CABCOCO1: variants seen among roughly 807,000 people sequenced by gnomAD.
CABCOCO1 encodes ciliary associated calcium binding coiled-coil 1.
Under a neutral mutation model 35.7 loss-of-function variants are expected in CABCOCO1, and 28 were observed. That is an observed-to-expected ratio of 0.78 (90% CI 0.58 to 1.07). CABCOCO1 has a LOEUF of 1.07. CABCOCO1 is among the 50% of genes least tolerant of loss of function. The pLI, the probability that CABCOCO1 is intolerant of heterozygous loss-of-function variation, is 0.00. For missense variants in CABCOCO1, 326 were observed against 309.2 expected (o/e 1.05, Z -0.41); for synonymous variants, 95 against 100.1 (o/e 0.95, Z 0.30).
intron 4 of CABCOCO1, among the ~76,000 whole-genome samples, chr10:61,689,708 T>C (rs1023239422): frequency 2.0e-5 from 3 of 152,134 alleles, no homozygotes; most frequent in Non-Finnish European, 4.4e-5. Flanking sequence ...CTAAGACAAT[T>C]TTTTGTTCTT....
chr10:61,755,290 G>A (rs1429105051), intron 5 of CABCOCO1, among the ~76,000 whole-genome samples: 1 of 152,028 alleles, frequency 6.6e-6, no homozygotes, highest in African/African-American at 2.4e-5. Context: ...TGGGTTGCAA[G>A]TTTTTGTTAA....
chr10:61,680,712 TA>T (rs1385726885), intron 2 of CABCOCO1, among the ~76,000 whole-genome samples: 2 of 94,584 alleles, frequency 2.1e-5, no homozygotes, highest in African/African-American at 8.8e-5. Flanking sequence ...GTTATACATG[TA>T]TAACATATAT....
At chr10:61,749,873 C>T (rs1327071244) in intron 5 of CABCOCO1, among the ~76,000 whole-genome samples, 1 of 152,174 alleles carries the variant, frequency 6.6e-6, no homozygotes, top group African/African-American at 2.4e-5. Context: ...AACCTTTCCT[C>T]CCAATGCAGT....
intron 5 of CABCOCO1, among the ~76,000 whole-genome samples, chr10:61,759,129 G>A (rs1841956855): frequency 6.6e-6 from 1 of 151,512 alleles, no homozygotes; most frequent in Non-Finnish European, 1.5e-5. Context: ...GCATACTGTG[G>A]GTGGCTTCAT....
At chr10:61,743,177 C>G (rs1391391205) in intron 5 of CABCOCO1, among the ~76,000 whole-genome samples, 1 of 152,168 alleles carries the variant, frequency 6.6e-6, no homozygotes, top group Admixed American at 6.5e-5. Context: ...TTCCTCTCAA[C>G]AAATGAAGGG....
chr10:61,734,541 T>G (rs929125278), intron 5 of CABCOCO1, among the ~76,000 whole-genome samples: 1 of 151,910 alleles, frequency 6.6e-6, no homozygotes, highest in Non-Finnish European at 1.5e-5. Flanking sequence ...TAAAAAGACT[T>G]AAGAGAAAAA....
intron 5 of CABCOCO1, among the ~76,000 whole-genome samples, chr10:61,712,262 T>A (rs529986992): frequency 2.6e-5 from 4 of 152,244 alleles, no homozygotes; most frequent in African/African-American, 9.6e-5. Context: ...TGACCAGTGA[T>A]GATGAGCATT....
rs778961824 is a variant in CABCOCO1, at chr10:61,686,146, T to G, written c.440T>G (p.Val147Gly). 1.3e-6 allele frequency: 2 copies of G among 1,595,218 alleles called. No individual in the cohort carries two copies. Among genetic ancestry groups the G allele is most frequent in the Non-Finnish European group, 1.7e-6 (2 of 1,174,762 alleles). Residue 147 changes from valine to glycine, a missense_variant, in exon 4 of 8, where the codon GTA becomes GGA. Coordinates refer to ENST00000648843, the MANE Select transcript of CABCOCO1 (RefSeq NM_001366906.2). ...AGTGAGGACTGGAATATCTTTGATG[T>G]AAAACAAGCCAATGCTATCATTGAT... Reference protein sequence around the residue: ...QKSEDWNIFDVKQANAIIDYL... With the variant: ...QKSEDWNIFDGKQANAIIDYL...
chr10:61,735,155 C>T (rs1377192179), intron 5 of CABCOCO1, among the ~76,000 whole-genome samples: 1 of 151,826 alleles, frequency 6.6e-6, no homozygotes, highest in Non-Finnish European at 1.5e-5. Flanking sequence ...GAAAATTTCC[C>T]TCAAAACAAT....
intron 5 of CABCOCO1, among the ~76,000 whole-genome samples, chr10:61,751,874 A>G (rs1311349279): frequency 6.6e-6 from 1 of 152,202 alleles, no homozygotes; most frequent in East Asian, 1.9e-4. Flanking sequence ...GGGGAAAAAA[A>G]TCTACATTTT....
chr10:61,719,826 T>TC (rs1840956162), intron 5 of CABCOCO1, among the ~76,000 whole-genome samples: 1 of 144,864 alleles, frequency 6.9e-6, no homozygotes, highest in African/African-American at 2.6e-5. Context: ...GAGGCTGAGG[T>TC]AGGAGAATCA....
intron 4 of CABCOCO1, among the ~76,000 whole-genome samples, chr10:61,688,744 C>T (rs1446639634): frequency 6.6e-6 from 1 of 152,218 alleles, no homozygotes; most frequent in Admixed American, 6.5e-5. Context: ...TCAAGCCAGA[C>T]ATCTTGAATT....
intron 4 of CABCOCO1, among the ~76,000 whole-genome samples, chr10:61,686,764 A>G (rs723327): frequency 0.12 from 17,869 of 152,168 alleles, 1,380 homozygotes; most frequent in African/African-American, 0.19. Context: ...TTAGAAAATA[A>G]TGGTGTGTGG....
intron 5 of CABCOCO1, among the ~76,000 whole-genome samples, chr10:61,739,372 G>C (rs946416619): frequency 1.3e-5 from 2 of 152,146 alleles, no homozygotes; most frequent in Non-Finnish European, 2.9e-5. Context: ...ACTAGATATG[G>C]AAGTAGCTTT....
At chr10:61,751,539 T>G (rs1360624072) in intron 5 of CABCOCO1, among the ~76,000 whole-genome samples, 2 of 151,906 alleles carry the variant, frequency 1.3e-5, no homozygotes, top group Non-Finnish European at 2.9e-5. Context: ...GAGGAGCAGG[T>G]TTGGGGAAGG....
intron 1 of CABCOCO1, among the ~76,000 whole-genome samples, chr10:61,664,381 G>T (rs1471543569): frequency 6.6e-6 from 1 of 152,034 alleles, no homozygotes; most frequent in Non-Finnish European, 1.5e-5. Flanking sequence ...GATCATTTGG[G>T]GGTTTTAATG....
chr10:61,729,500 T>G (rs907865271), intron 5 of CABCOCO1, among the ~76,000 whole-genome samples: 1 of 152,168 alleles, frequency 6.6e-6, no homozygotes, highest in Non-Finnish European at 1.5e-5. Flanking sequence ...ATTGGTACCC[T>G]TGTACACTGT....
At chr10:61,740,786 A>G (rs1841532817) in intron 5 of CABCOCO1, among the ~76,000 whole-genome samples, 1 of 152,234 alleles carries the variant, frequency 6.6e-6, no homozygotes. Context: ...TGAAATCAAT[A>G]GAAATTAATT....
chr10:61,673,636 G>A (rs79246303), intron 2 of CABCOCO1, among the ~76,000 whole-genome samples: 4,995 of 152,252 alleles, frequency 0.033, 292 homozygotes, highest in African/African-American at 0.11. Flanking sequence ...CTGGCTGGAA[G>A]AAAAATCCGA....
Sources: allele counts gnomAD v4.1 joint callset (sites outside exome capture counted in the v4.1 genomes callset), GRCh38; gene constraint gnomAD v4.1.1; transcripts MANE v1.5; gene names NCBI Gene and HGNC (gene_info 2026-07-23, HGNC 2026-07-21).